AATF: variants seen among roughly 807,000 people sequenced by gnomAD.
AATF encodes protein AATF.
In AATF, 48 loss-of-function variants were observed where a neutral mutation model predicts 63.7. That is an observed-to-expected ratio of 0.75 (90% CI 0.60 to 0.96). The LOEUF (loss-of-function observed/expected upper bound fraction) is 0.96, where lower values mean the gene tolerates loss of function less well. Among genes scored for constraint, AATF ranks in the 40% least tolerant of loss-of-function variants. The pLI is 0.00. For missense variants in AATF, 639 were observed against 685.7 expected (o/e 0.93, Z 0.76); for synonymous variants, 258 against 247.7 (o/e 1.04, Z -0.39).
intron 8 of AATF, among the ~76,000 whole-genome samples, chr17:37,004,573 G>C (rs1187763198): frequency 6.6e-6 from 1 of 152,112 alleles, no homozygotes; most frequent in Non-Finnish European, 1.5e-5. Flanking sequence ...TTGGTGTGAT[G>C]GATAGAGGGA....
At chr17:36,975,340 T>C (rs1457511554) in intron 4 of AATF, among the ~76,000 whole-genome samples, 1 of 152,206 alleles carries the variant, frequency 6.6e-6, no homozygotes, top group Non-Finnish European at 1.5e-5. Flanking sequence ...TCTAAATATT[T>C]CTGTTTATAG....
intron 11 of AATF, among the ~76,000 whole-genome samples, chr17:37,041,023 G>A (rs1203460794): frequency 6.6e-6 from 1 of 152,092 alleles, no homozygotes; most frequent in Non-Finnish European, 1.5e-5. Context: ...AATAAAAATA[G>A]TGCATGCTTA....
intron 8 of AATF, among the ~76,000 whole-genome samples, chr17:37,002,915 T>TG (rs1314253917): frequency 1.3e-5 from 2 of 149,826 alleles, no homozygotes; most frequent in East Asian, 1.9e-4. Context: ...TTTTTTTTTT[T>TG]TTTTTTTTTT....
At chr17:37,048,926 C>T (rs1024975512) in intron 11 of AATF, among the ~76,000 whole-genome samples, 2 of 152,180 alleles carry the variant, frequency 1.3e-5, no homozygotes, top group Non-Finnish European at 2.9e-5. Context: ...CATTTAGTCC[C>T]TCGTGTTGGT....
At chr17:36,981,362 A>T (rs1182841772) in intron 4 of AATF, among the ~76,000 whole-genome samples, 2 of 151,642 alleles carry the variant, frequency 1.3e-5, no homozygotes, top group Non-Finnish European at 2.9e-5. Flanking sequence ...GTGGTTGTTG[A>T]TTTTATTTTT....
At chr17:36,987,336 A>G (rs1457833459) in intron 5 of AATF, among the ~76,000 whole-genome samples, 3 of 152,144 alleles carry the variant, frequency 2.0e-5, no homozygotes, top group Non-Finnish European at 4.4e-5. Context: ...TGTTTATGAA[A>G]CATTCTGTGC....
At chr17:36,978,481 A>C (rs2071095750) in intron 4 of AATF, among the ~76,000 whole-genome samples, 1 of 152,038 alleles carries the variant, frequency 6.6e-6, no homozygotes, top group African/African-American at 2.4e-5. Context: ...TGATTTTAGA[A>C]TATAAGTCTC....
intron 8 of AATF, among the ~76,000 whole-genome samples, chr17:36,995,473 C>T (rs563515737): frequency 6.6e-6 from 1 of 152,074 alleles, no homozygotes; most frequent in African/African-American, 2.4e-5. Flanking sequence ...GCATTTAGAT[C>T]TTAGTGTGAA....
At chr17:37,013,138 C>A (rs1290628006) in intron 8 of AATF, among the ~76,000 whole-genome samples, 1 of 152,102 alleles carries the variant, frequency 6.6e-6, no homozygotes, top group Non-Finnish European at 1.5e-5. Context: ...AGACAAATAA[C>A]CTCATTTTAA....
At position 36,971,798 on chromosome 17, in the gene AATF, A is replaced by G. The variant is rs556990236; in HGVS notation, c.833-14819A>G. The stretch of plus-strand genomic sequence containing the variant: ...ATACTAAGTGAAATATGCCAGCCTC[A>G]AAAGATTTTATACTTGGAAATTCCA... On this transcript the variant is annotated intron_variant, in intron 4 of 11. Coordinates refer to ENST00000619387, the MANE Select transcript of AATF (RefSeq NM_012138.4). Among the ~76,000 whole-genome samples the G allele has an allele frequency of 8.5e-5, 13 of 152,348 alleles. 1 individual carries two copies. The South Asian group carries it at 2.3e-3, about 27-fold the overall frequency.
intron 8 of AATF, among the ~76,000 whole-genome samples, chr17:37,000,763 A>T (rs1195041399): frequency 6.6e-6 from 1 of 152,214 alleles, no homozygotes; most frequent in African/African-American, 2.4e-5. Flanking sequence ...GGGAAGGACC[A>T]ACAAAAGTGA....
chr17:37,056,366 CT>C (rs1205404593), intron 11 of AATF: 5 of 521,704 alleles, frequency 9.6e-6, no homozygotes, highest in African/African-American at 9.6e-5. Flanking sequence ...TTACAGAACA[CT>C]CATTCCCTGG....
chr17:37,037,034 A>G (rs111764603), intron 11 of AATF, among the ~76,000 whole-genome samples: 17,000 of 144,320 alleles, frequency 0.12, 1,238 homozygotes, highest in Non-Finnish European at 0.16. Flanking sequence ...TTTGAGACAG[A>G]GTCTCGTTCT....
At chr17:37,015,122 G>T (rs2071419811) in intron 8 of AATF, among the ~76,000 whole-genome samples, 1 of 152,158 alleles carries the variant, frequency 6.6e-6, no homozygotes, top group Admixed American at 6.5e-5. Context: ...ATCCTTAACT[G>T]TCTGTTCATA....
intron 8 of AATF, among the ~76,000 whole-genome samples, chr17:37,011,248 G>A (rs543216372): frequency 1.1e-4 from 17 of 152,222 alleles, no homozygotes; most frequent in East Asian, 3.9e-4. Flanking sequence ...GGTGGTGCAC[G>A]CCTGTAATCC....
intron 10 of AATF, among the ~76,000 whole-genome samples, chr17:37,028,739 T>G (rs2071529476): frequency 6.6e-6 from 1 of 152,120 alleles, no homozygotes; most frequent in East Asian, 1.9e-4. Context: ...TGAGCCGAGA[T>G]AGCACCACTC....
At chr17:37,055,457 G>T (rs762728550) in intron 11 of AATF, 1 of 152,226 alleles carries the variant, frequency 6.6e-6, no homozygotes, top group Non-Finnish European at 1.5e-5. Context: ...TTGTGTTGAA[G>T]CCTTGCTGTT....
intron 11 of AATF, chr17:37,054,653 G>T (rs1252024257): frequency 6.6e-6 from 1 of 152,214 alleles, no homozygotes; most frequent in Admixed American, 6.5e-5. Context: ...GACAGTAACT[G>T]CTGCCTTCGG....
chr17:37,001,444 G>A (rs2071296231), intron 8 of AATF, among the ~76,000 whole-genome samples: 2 of 120,782 alleles, frequency 1.7e-5, no homozygotes, highest in African/African-American at 3.5e-5. Flanking sequence ...AGGAAGGAAG[G>A]AAGGAAGGAA....
Sources: allele counts gnomAD v4.1 joint callset (sites outside exome capture counted in the v4.1 genomes callset), GRCh38; gene constraint gnomAD v4.1.1; transcripts MANE v1.5; gene names NCBI Gene and HGNC (gene_info 2026-07-23, HGNC 2026-07-21).